The following CATSPERE variants were observed in gnomAD, a reference collection of about 807,000 sequenced individuals.
CATSPERE encodes the protein catsper channel auxiliary subunit epsilon.
A neutral mutation model predicts 114.1 loss-of-function variants in CATSPERE; 93 were observed. That is an observed-to-expected ratio of 0.81 (90% confidence interval 0.69 to 0.97). CATSPERE has a LOEUF of 0.97. Among genes scored for constraint, CATSPERE ranks in the 50% least tolerant of loss-of-function variants. CATSPERE has a pLI of 0.00. For missense variants in CATSPERE, 1,058 were observed against 1,131.6 expected (o/e 0.93, Z 0.93); for synonymous variants, 341 against 384.1 (o/e 0.89, Z 1.31).
intron 2 of CATSPERE, among the ~76,000 whole-genome samples, chr1:244,474,092 C>T (rs1045447783): frequency 7.9e-5 from 12 of 151,850 alleles, no homozygotes; most frequent in Admixed American, 4.6e-4. Context: ...ATTGCAATGG[C>T]GTGATCTCGA....
chr1:244,605,779 T>G lies in CATSPERE; in HGVS notation c.2388T>G (p.Asn796Lys), dbSNP rs761240325. Reference sequence around the variant, plus strand: ...ACGGCAGGGATGACTATAGCTTTAATAATACTATGGCACAGGTATGGCATC... The same window carrying G: ...ACGGCAGGGATGACTATAGCTTTAAGAATACTATGGCACAGGTATGGCATC... The part of the protein sequence containing the change: ...EIHGRDDYSF[N>K]NTMAQSGCLH... The change falls in exon 18 of 22, where the codon AAT becomes AAG. Residue 796 changes from asparagine to lysine, a missense_variant. Coordinates refer to ENST00000366534, the MANE Select transcript of CATSPERE (RefSeq NM_001130957.2). The G allele has an allele frequency of 6.2e-7, 1 of 1,612,068 alleles. No homozygotes were observed. Among genetic ancestry groups the G allele is most frequent in the South Asian group, 1.1e-5 (1 of 90,902 alleles).
Position 244,588,509 on chromosome 1 carries a change from G to T in CATSPERE, c.2113G>T (p.Asp705Tyr). The T allele has an allele frequency of 6.2e-7, 1 of 1,612,044 alleles. No homozygotes were observed. Among genetic ancestry groups the T allele is most frequent in the East Asian group, 2.2e-5 (1 of 44,794 alleles). Reference sequence around the variant, plus strand: ...GTTCCAAATAGCTGTTGGCTGTGATGATAAAAAATTCATTGCAATTAAAGG... The same window carrying T: ...GTTCCAAATAGCTGTTGGCTGTGATTATAAAAAATTCATTGCAATTAAAGG... ...KVFQIAVGCDDKKFIAIKGFS... is the reference protein window; with the variant it reads ...KVFQIAVGCDYKKFIAIKGFS... The change falls in exon 14 of 22, where the codon GAT becomes TAT. Residue 705 changes from aspartate (D) to tyrosine (Y), a missense_variant. Physicochemically the swap from Asp to Tyr is radical, Grantham distance 160. This residue lies in a region of CATSPERE where 787 missense variants were observed against 905.6 expected (regional missense o/e 0.87). Transcript: ENST00000366534.
chr1:244,472,394 T>C (rs1242658180), intron 2 of CATSPERE, among the ~76,000 whole-genome samples: 1 of 152,246 alleles, frequency 6.6e-6, no homozygotes, highest in Admixed American at 6.5e-5. Context: ...CAATTCCTGC[T>C]TTTATATTGA....
intron 8 of CATSPERE, among the ~76,000 whole-genome samples, chr1:244,532,414 G>GT (rs1213428551): frequency 1.3e-5 from 2 of 151,766 alleles, no homozygotes; most frequent in Non-Finnish European, 2.9e-5. Context: ...TTTATTTGAT[G>GT]TTTTTCTACT....
intron 7 of CATSPERE, among the ~76,000 whole-genome samples, chr1:244,509,709 G>C (rs1028351728): frequency 6.6e-6 from 1 of 152,058 alleles, no homozygotes; most frequent in Non-Finnish European, 1.5e-5. Context: ...CTGGTCCTGG[G>C]CTTTTCTTTT....
upstream of CATSPERE, among the ~76,000 whole-genome samples, chr1:244,453,621 C>G (rs1478965569): frequency 2.6e-5 from 4 of 152,182 alleles, no homozygotes; most frequent in Non-Finnish European, 5.9e-5. Flanking sequence ...GGACTGGGGG[C>G]TGACTCTGGT....
At chr1:244,549,442 C>G (rs911809525) in intron 8 of CATSPERE, among the ~76,000 whole-genome samples, 4 of 152,138 alleles carry the variant, frequency 2.6e-5, no homozygotes, top group African/African-American at 9.7e-5. Flanking sequence ...TATAGACACA[C>G]ACACATATAT....
chr1:244,543,585 G>A (rs1659221287), intron 8 of CATSPERE, among the ~76,000 whole-genome samples: 1 of 149,596 alleles, frequency 6.7e-6, no homozygotes, highest in African/African-American at 2.4e-5. Context: ...GGTGATTATA[G>A]TCAATAACAG....
At chr1:244,515,343 T>C in intron 7 of CATSPERE, 1 of 977,812 alleles carries the variant, frequency 1.0e-6, no homozygotes, top group East Asian at 1.1e-4. Flanking sequence ...ATTTTTTTCA[T>C]TATTTGTTCA....
intron 1 of CATSPERE, among the ~76,000 whole-genome samples, 154 bp from the exon 2 acceptor site, chr1:244,463,754 G>C (rs374147186): frequency 1.1e-4 from 17 of 151,962 alleles, no homozygotes; most frequent in African/African-American, 4.1e-4. Flanking sequence ...GTCACTGATA[G>C]CCCCAATTTT....
At chr1:244,487,115 C>A (rs918066336) in intron 5 of CATSPERE, among the ~76,000 whole-genome samples, 1 of 151,160 alleles carries the variant, frequency 6.6e-6, no homozygotes, top group Non-Finnish European at 1.5e-5. Flanking sequence ...CTCGTAGTCA[C>A]CTGGTGGGTG....
chr1:244,536,636 G>A (rs1188825314), intron 8 of CATSPERE, among the ~76,000 whole-genome samples: 1 of 152,166 alleles, frequency 6.6e-6, no homozygotes, highest in African/African-American at 2.4e-5. Flanking sequence ...TACCGAGATG[G>A]GGAAGGGGTG....
At chr1:244,461,585 T>G (rs3124058) in intron 1 of CATSPERE, 91 bp downstream of exon 1, 7 of 1,092,270 alleles carry the variant, frequency 6.4e-6, no homozygotes, top group Non-Finnish European at 8.3e-6. Context: ...CCCATGCGCC[T>G]CGGGACCGCT....
intron 10 of CATSPERE, among the ~76,000 whole-genome samples, chr1:244,562,801 G>A (rs1662777895): frequency 1.3e-5 from 2 of 151,904 alleles, no homozygotes; most frequent in African/African-American, 4.8e-5. Context: ...TTGTTACATA[G>A]GTATACACGT....
intron 8 of CATSPERE, among the ~76,000 whole-genome samples, chr1:244,522,599 A>T (rs1173509432): frequency 1.3e-5 from 2 of 152,192 alleles, no homozygotes; most frequent in Non-Finnish European, 2.9e-5. Flanking sequence ...AAAACTAATA[A>T]AGAAAAAAAG....
At chr1:244,550,197 C>T (rs927999230) in intron 8 of CATSPERE, among the ~76,000 whole-genome samples, 2 of 152,164 alleles carry the variant, frequency 1.3e-5, no homozygotes, top group Non-Finnish European at 1.5e-5. Flanking sequence ...ATCTAGTAGA[C>T]AGCAAATCAT....
intron 5 of CATSPERE, among the ~76,000 whole-genome samples, chr1:244,479,994 CAT>C (rs1670005085): frequency 6.6e-6 from 1 of 152,300 alleles, no homozygotes; most frequent in Admixed American, 6.5e-5. Context: ...GCTGTGTCTA[CAT>C]GTTTGTGCTT....
chr1:244,572,970 G>T (rs1207082243), intron 11 of CATSPERE, among the ~76,000 whole-genome samples, 198 bp downstream of exon 11: 1 of 151,232 alleles, frequency 6.6e-6, no homozygotes, highest in Non-Finnish European at 1.5e-5. Context: ...AGCCCTCTTT[G>T]CCACCTAATA....
At chr1:244,625,422 A>ATTTTTTTTTTTTTTT (rs1349807713) in intron 20 of CATSPERE, among the ~76,000 whole-genome samples, 1 of 4,040 alleles carries the variant, frequency 2.5e-4, no homozygotes, top group African/African-American at 4.9e-4. Context: ...ATATATATAT[A>ATTTTTTTTTTTTTTT]TATATATATA....
Sources: gnomAD v4.1 joint callset for allele counts (sites outside exome capture counted in the v4.1 genomes callset) on GRCh38, gnomAD v4.1.1 for gene constraint, gnomAD v4.1.1 regional missense constraint, MANE v1.5 for transcripts, NCBI Gene and HGNC (gene_info 2026-07-23, HGNC 2026-07-21) for gene names.